The following PCCA variants were observed in gnomAD, a reference collection of about 807,000 sequenced individuals.
PCCA encodes propionyl-CoA carboxylase subunit alpha, also known as propionyl-CoA carboxylase alpha chain, mitochondrial.
PCCA carries 74 observed loss-of-function variants against 101.3 expected under a neutral mutation model. The observed-to-expected ratio is 0.73, with a 90% confidence interval of 0.61 to 0.89. PCCA has a LOEUF of 0.89. Ranked by LOEUF, PCCA falls within the 40% of genes least tolerant of loss-of-function variation. The pLI is 0.00. For missense variants in PCCA, 891 were observed against 907.0 expected, an observed-to-expected ratio of 0.98 and a Z score of 0.23; for synonymous variants, 294 against 313.6, an observed-to-expected ratio of 0.94 and a Z score of 0.66.
At chr13:100,432,627 C>T (rs767763194) in intron 20 of PCCA, among the ~76,000 whole-genome samples, 3 of 152,120 alleles carry the variant, frequency 2.0e-5, no homozygotes, top group African/African-American at 4.8e-5. Flanking sequence ...AGTACAGTAA[C>T]GTCCATCAAA....
chr13:100,464,517 C>T (rs2082374764), intron 21 of PCCA: 1 of 152,164 alleles, frequency 6.6e-6, no homozygotes, highest in Non-Finnish European at 1.5e-5. Flanking sequence ...TGCTTGGAGA[C>T]ATGCTATCAT....
At chr13:100,407,148 T>G (rs1270677765) in intron 19 of PCCA, among the ~76,000 whole-genome samples, 1 of 152,232 alleles carries the variant, frequency 6.6e-6, no homozygotes, top group Non-Finnish European at 1.5e-5. Flanking sequence ...ACTTGGACAT[T>G]AGAATTTTAG....
At position 100,309,048 on chromosome 13, in the gene PCCA, GTCT is replaced by G. The variant is rs796997828; in HGVS notation, c.1354-780_1354-778del. On this transcript the variant is annotated intron_variant, in intron 15 of 23. Transcript: ENST00000376285. Reference sequence around the variant, plus strand: ...ACTGCAAATGATTTCTAAGATAGTCGTCTTCTTTCTTTATACTTTTATTTTTGA... The same window carrying G: ...ACTGCAAATGATTTCTAAGATAGTCGTCTTTCTTTATACTTTTATTTTTGA... Among the ~76,000 whole-genome samples, 16 of 107,862 alleles carry G rather than the reference GTCT, an allele frequency of 1.5e-4. No homozygotes were observed. The South Asian group carries it at 4.3e-3, about 29-fold the overall frequency. The allele number at this position is 107,862 out of a possible 152,430, so 70.8% of individuals were successfully genotyped here.
chr13:100,097,416 T>C (rs1218440507), intron 1 of PCCA, among the ~76,000 whole-genome samples: 1 of 152,012 alleles, frequency 6.6e-6, no homozygotes, highest in Non-Finnish European at 1.5e-5. Flanking sequence ...GAATTACATC[T>C]CAATTAAAAA....
At chr13:100,291,182 G>A (rs1445148269) in intron 12 of PCCA, among the ~76,000 whole-genome samples, 1 of 152,156 alleles carries the variant, frequency 6.6e-6, no homozygotes, top group African/African-American at 2.4e-5. Context: ...GGAGGCTGAG[G>A]CAGGAGGACT....
At chr13:100,529,898 A>AGCCACG (rs970354878) in intron 23 of PCCA, among the ~76,000 whole-genome samples, 200 bp from the exon 24 acceptor site, 47 of 152,114 alleles carry the variant, frequency 3.1e-4, no homozygotes, top group African/African-American at 5.8e-4. Context: ...GGGAGGAGTG[A>AGCCACG]GCCACGGCCA....
intron 6 of PCCA, among the ~76,000 whole-genome samples, chr13:100,177,738 C>G (rs1472082701): frequency 6.6e-6 from 1 of 151,986 alleles, no homozygotes; most frequent in African/African-American, 2.4e-5. Flanking sequence ...TCAAGTAGTC[C>G]ATGTAAAAAT....
At chr13:100,315,419 T>G (rs2067260083) in intron 16 of PCCA, among the ~76,000 whole-genome samples, 1 of 152,186 alleles carries the variant, frequency 6.6e-6, no homozygotes, top group African/African-American at 2.4e-5. Context: ...ATCTGGCTAA[T>G]TCTGAAGGAT....
At position 100,515,524 on chromosome 13, in the gene PCCA, T is replaced by A. The variant is rs999241357; in HGVS notation, c.1997T>A (p.Met666Lys). The A allele has an allele frequency of 5.0e-6, 8 of 1,614,034 alleles. No homozygotes were observed. Among genetic ancestry groups the A allele is most frequent in the Non-Finnish European group, 6.8e-6 (8 of 1,180,016 alleles). ...EDTSSVLRSP[M>K]PGVVVAVSVK... The stretch of plus-strand genomic sequence containing the variant: ...ACAAGCAGTGTTCTGCGTTCCCCGA[T>A]GCCCGGAGTGGTGGTGGCCGTCTCT... Residue 666 changes from methionine to lysine, a missense_variant, in exon 22 of 24, where the codon ATG becomes AAG. Coordinates refer to ENST00000376285, the MANE Select transcript of PCCA (RefSeq NM_000282.4).
chr13:100,478,782 G>C (rs1387099734), intron 21 of PCCA, among the ~76,000 whole-genome samples: 2 of 152,140 alleles, frequency 1.3e-5, no homozygotes, highest in African/African-American at 4.8e-5. Context: ...GTTGCTTCTA[G>C]CATGCCTTTC....
At chr13:100,270,053 T>G (rs1052637234) in intron 11 of PCCA, among the ~76,000 whole-genome samples, 10 of 152,322 alleles carry the variant, frequency 6.6e-5, no homozygotes, top group Middle Eastern at 3.4e-3. Flanking sequence ...GGGATGCTTG[T>G]GCTTACACAC....
At chr13:100,520,817 A>G (rs1282413930) in intron 22 of PCCA, among the ~76,000 whole-genome samples, 1 of 152,130 alleles carries the variant, frequency 6.6e-6, no homozygotes, top group Non-Finnish European at 1.5e-5. Context: ...GGATCAGTAT[A>G]TTAAATATTA....
chr13:100,305,905 T>C, intron 14 of PCCA: 1 of 373,924 alleles, frequency 2.7e-6, no homozygotes, highest in South Asian at 2.3e-5. Flanking sequence ...AATACAGATA[T>C]CTATATTTTT....
At chr13:100,264,219 A>G (rs35132430) in intron 10 of PCCA, among the ~76,000 whole-genome samples, 28,369 of 81,524 alleles carry the variant, frequency 0.35, 5,937 homozygotes, top group Middle Eastern at 0.54. Flanking sequence ...TCTGTATCTC[A>G]TATATATGTG....
chr13:100,213,400 G>C (rs1048148743), intron 7 of PCCA, among the ~76,000 whole-genome samples: 2 of 152,106 alleles, frequency 1.3e-5, no homozygotes, highest in Non-Finnish European at 2.9e-5. Flanking sequence ...GCCAGCATTT[G>C]TTATTGCCTG....
At chr13:100,146,221 G>A (rs1003130589) in intron 4 of PCCA, among the ~76,000 whole-genome samples, 7 of 151,476 alleles carry the variant, frequency 4.6e-5, no homozygotes, top group East Asian at 4.0e-4. Flanking sequence ...GATTACAGGC[G>A]TGAGCCACCG....
chr13:100,193,194 G>T (rs538282352), intron 6 of PCCA, among the ~76,000 whole-genome samples: 1 of 152,150 alleles, frequency 6.6e-6, no homozygotes, highest in Non-Finnish European at 1.5e-5. Context: ...GATTCAAAAC[G>T]CTGGTTTGTG....
chr13:100,151,181 C>CAA (rs2053267789), intron 4 of PCCA: 2 of 748,880 alleles, frequency 2.7e-6, no homozygotes, highest in Non-Finnish European at 4.3e-6. Context: ...TGATTTTTCT[C>CAA]AGTCCTGTAA....
Position 100,282,019 on chromosome 13 carries a change from T to A in PCCA, c.1065+8673T>A, listed in dbSNP as rs187004932. 4.6e-5 allele frequency among the ~76,000 whole-genome samples: 7 copies of A among 152,380 alleles called. No individual in the cohort carries two copies. In the East Asian group the frequency reaches 9.6e-4, roughly 21 times the overall value. ...AGTGTTTTTTGCCTTTTGATCTTTG[T>A]GTGATAGTGAAAAATGGTATATTGT... On this transcript the variant is annotated intron_variant, in intron 12 of 23. Transcript: ENST00000376285.
Sources: allele counts gnomAD v4.1 joint callset (sites outside exome capture counted in the v4.1 genomes callset), GRCh38; gene constraint gnomAD v4.1.1; transcripts MANE v1.5; gene names NCBI Gene and HGNC (gene_info 2026-07-23, HGNC 2026-07-21).